The following SYT2 variants were observed in gnomAD, a reference collection of about 807,000 sequenced individuals.
SYT2 encodes the protein synaptotagmin 2, also known as synaptotagmin-2.
In SYT2, 15 loss-of-function variants were observed where a neutral mutation model predicts 39.9. The ratio of observed to expected loss-of-function variants is 0.38; its 90% CI spans 0.25 to 0.58. SYT2 has a LOEUF of 0.58. Ranked by LOEUF, SYT2 falls within the 20% of genes least tolerant of loss-of-function variation. The pLI is 0.70. For missense variants in SYT2, 389 were observed against 530.3 expected (o/e 0.73, Z 2.62); for synonymous variants, 181 against 204.5 (o/e 0.89, Z 0.98).
intron 1 of SYT2, among the ~76,000 whole-genome samples, chr1:202,652,174 C>T (rs114166992): frequency 0.011 from 1,720 of 152,246 alleles, 25 homozygotes; most frequent in African/African-American, 0.04. Flanking sequence ...GGAAGGGGCC[C>T]GAGGAGCCGT....
At chr1:202,619,892 G>A (rs1691158759) in intron 1 of SYT2, among the ~76,000 whole-genome samples, 1 of 152,158 alleles carries the variant, frequency 6.6e-6, no homozygotes, top group Non-Finnish European at 1.5e-5. Flanking sequence ...CTGGGAAGAG[G>A]GCACAATTAC....
rs60259163 is a variant in SYT2, at chr1:202,596,308, T to TACACACACAC, written c.*439_*448dup. ...ACACACACACACACACACACACACA[T>TACACACACAC]ACACACACACACACACACACACACA... On this transcript the variant is annotated 3_prime_UTR_variant, in exon 9 of 9. Transcript: ENST00000367268. 0.03 allele frequency: 2,625 copies of TACACACACAC among 87,686 alleles called. 33 individuals are homozygous for TACACACACAC. The highest frequency in any genetic ancestry group is 0.05 in the East Asian group (109 of 2,176). 5.4% of individuals were successfully genotyped at this position (87,686 alleles called of 1,614,324 possible). A position where few individuals can be genotyped will look rare whatever the true frequency, so the allele number is the denominator to read the frequency against.
intron 1 of SYT2, among the ~76,000 whole-genome samples, chr1:202,707,213 C>G (rs909390049): frequency 6.6e-6 from 1 of 152,136 alleles, no homozygotes; most frequent in African/African-American, 2.4e-5. Flanking sequence ...TGCTCACCTC[C>G]CCACCCAGAG....
At chr1:202,653,320 T>TG (rs1225714924) in intron 1 of SYT2, among the ~76,000 whole-genome samples, 2 of 152,136 alleles carry the variant, frequency 1.3e-5, no homozygotes, top group East Asian at 3.8e-4. Flanking sequence ...GCACCTTTAG[T>TG]TCTCCATCTC....
At chr1:202,630,825 G>A (rs1421630990) in intron 1 of SYT2, among the ~76,000 whole-genome samples, 1 of 152,246 alleles carries the variant, frequency 6.6e-6, no homozygotes, top group Non-Finnish European at 1.5e-5. Context: ...TTGAGAATGG[G>A]CCGTTGCCCT....
At chr1:202,642,436 A>T (rs1691942273) in intron 1 of SYT2, among the ~76,000 whole-genome samples, 2 of 151,806 alleles carry the variant, frequency 1.3e-5, no homozygotes, top group South Asian at 4.2e-4. Flanking sequence ...GAGGTGCAGT[A>T]GCTTGTCCAA....
intron 1 of SYT2, among the ~76,000 whole-genome samples, chr1:202,662,499 G>T (rs184277844): frequency 1.0e-3 from 157 of 152,346 alleles, no homozygotes; most frequent in Non-Finnish European, 9.0e-4. Context: ...CTATGACAGC[G>T]CAGATACTGG....
At chr1:202,700,853 T>C (rs982802294) in intron 1 of SYT2, among the ~76,000 whole-genome samples, 2 of 152,152 alleles carry the variant, frequency 1.3e-5, no homozygotes, top group African/African-American at 2.4e-5. Context: ...TTTCAGATCA[T>C]TGTGGATATT....
chr1:202,707,462 G>T (rs569201703), intron 1 of SYT2, among the ~76,000 whole-genome samples: 1 of 152,132 alleles, frequency 6.6e-6, no homozygotes, highest in Non-Finnish European at 1.5e-5. Flanking sequence ...CAGTGGTGGG[G>T]ATACTCTGGC....
chr1:202,664,943 G>T (rs1474302371), intron 1 of SYT2, among the ~76,000 whole-genome samples: 1 of 152,200 alleles, frequency 6.6e-6, no homozygotes, highest in Non-Finnish European at 1.5e-5. Flanking sequence ...ACAGGCGTGA[G>T]CCACTGCACC....
At chr1:202,679,836 C>A (rs1653480251) in intron 1 of SYT2, among the ~76,000 whole-genome samples, 1 of 152,140 alleles carries the variant, frequency 6.6e-6, no homozygotes, top group Non-Finnish European at 1.5e-5. Flanking sequence ...TAGCTTCAAC[C>A]CCTCCCAGGC....
chr1:202,701,624 A>G (rs1654124613), intron 1 of SYT2, among the ~76,000 whole-genome samples: 2 of 152,208 alleles, frequency 1.3e-5, no homozygotes, highest in Non-Finnish European at 2.9e-5. Flanking sequence ...GCAGTGTGAT[A>G]CTATTACCTT....
chr1:202,638,781 G>A (rs1398919214), intron 1 of SYT2, among the ~76,000 whole-genome samples: 1 of 152,074 alleles, frequency 6.6e-6, no homozygotes, highest in Non-Finnish European at 1.5e-5. Context: ...CCCATCCCAA[G>A]TCAGACTTAT....
chr1:202,637,360 TGAAAACCAAAACC>T (rs754061737), intron 1 of SYT2, among the ~76,000 whole-genome samples: 116 of 151,948 alleles, frequency 7.6e-4, no homozygotes, highest in Non-Finnish European at 1.3e-3. Flanking sequence ...TCAAAAAACC[TGAAAACCAAAACC>T]GAAAACCAAA....
intron 1 of SYT2, among the ~76,000 whole-genome samples, chr1:202,640,774 GAGAGAGAGAGAGAGAGAGAC>G (rs1691889565): frequency 3.7e-5 from 5 of 136,634 alleles, no homozygotes; most frequent in South Asian, 2.3e-4. Flanking sequence ...GAGAGAGAGA[GAGAGAGAGAGAGAGAGAGAC>G]AGACAGACAG....
rs1171266576 is a variant in SYT2 at position 202,602,402 on chromosome 1, G to C, written c.609C>G (p.Ala203=). 1 of 1,614,148 alleles carries C rather than the reference G, an allele frequency of 6.2e-7. No individual in the cohort carries two copies. The highest frequency in any genetic ancestry group is 8.5e-7 in the Non-Finnish European group (1 of 1,179,990). The part of the protein sequence containing the change: ...TKVHRKTLNP[A]FNETFTFKVP... ...CCTTGAAGGTGAAGGTTTCATTGAA[G>C]GCAGGGTTCAGTGTCTTCCGATGGA... Residue 203 remains alanine (A), a synonymous_variant, in exon 5 of 9, where the codon GCC becomes GCG. Coordinates refer to ENST00000367268, the MANE Select transcript of SYT2 (RefSeq NM_177402.5).
In SYT2 at chr1:202,599,527, C is replaced by T. The variant is rs1690422176; in HGVS notation, c.920-176G>A. ...AGTTCAAAGGTGGCAAAAGGCTTCA[C>T]CTCCAGGACCAACTGTGACCAGTTG... On this transcript the variant is annotated intron_variant, in intron 7 of 8. Transcript: ENST00000367268. This position sits in a 1 kb window ranked among gnomAD's most constrained non-coding sequence, Gnocchi z 4.4. Among the ~76,000 whole-genome samples, 1 of 152,140 alleles carries T rather than the reference C, an allele frequency of 6.6e-6. No homozygotes were observed. The highest frequency in any genetic ancestry group is 1.5e-5 in the Non-Finnish European group (1 of 68,032).
Position 202,596,740 on chromosome 1 carries a change from G to T in SYT2, c.*17C>A. The stretch of plus-strand genomic sequence containing the variant: ...TGTCAGTGTCCGTGAAAGGTGTGGG[G>T]TCCCAGCCGCTGCTGTCTACTTGTT... On this transcript the variant is annotated 3_prime_UTR_variant, in exon 9 of 9. Transcript: ENST00000367268. The T allele has an allele frequency of 6.2e-7, 1 of 1,608,600 alleles. No individual in the cohort carries two copies. The highest frequency in any genetic ancestry group is 8.5e-7 in the Non-Finnish European group (1 of 1,176,040).
rs571787655 is a variant in SYT2 at position 202,705,339 on chromosome 1, G to C, written c.-18+4919C>G. Among the ~76,000 whole-genome samples the C allele has an allele frequency of 2.9e-4, 44 of 152,378 alleles. No individual in the cohort carries two copies. In the East Asian group the frequency reaches 8.3e-3, roughly 29 times the overall value. On this transcript the variant is annotated intron_variant, in intron 1 of 8. Transcript: ENST00000367268. ...CGCCCTTGTGAGCCGCTCTATCCCC[G>C]AGCAGGGGAGCAGGAGGCGCAGGGA...
Sources: allele counts gnomAD v4.1 joint callset (sites outside exome capture counted in the v4.1 genomes callset), GRCh38; gene constraint gnomAD v4.1.1; non-coding constraint Gnocchi (gnomAD v3.1); transcripts MANE v1.5; gene names NCBI Gene and HGNC (gene_info 2026-07-23, HGNC 2026-07-21).